The following ACOT12 variants were observed in gnomAD, a reference collection of about 807,000 sequenced individuals.
The protein encoded by ACOT12 is acyl-CoA thioesterase 12.
ACOT12 carries 51 observed loss-of-function variants against 67.7 expected under a neutral mutation model. The ratio of observed to expected loss-of-function variants is 0.75; its 90% CI spans 0.60 to 0.95. ACOT12 has a LOEUF of 0.95. Ranked by LOEUF, ACOT12 falls within the 40% of genes least tolerant of loss-of-function variation. The pLI is 0.00. For missense variants in ACOT12, 734 were observed against 708.1 expected, an observed-to-expected ratio of 1.04 and a Z score of -0.41; for synonymous variants, 251 against 244.6, an observed-to-expected ratio of 1.03 and a Z score of -0.24.
intron 12 of ACOT12, among the ~76,000 whole-genome samples, chr5:81,334,777 G>A (rs1230984745): frequency 5.3e-5 from 8 of 152,328 alleles, no homozygotes; most frequent in Non-Finnish European, 1.0e-4. Context: ...CAAGGTGGCT[G>A]GGCCCCAGTG....
intron 6 of ACOT12, among the ~76,000 whole-genome samples, chr5:81,347,522 T>C (rs559685713): frequency 4.6e-5 from 7 of 152,236 alleles, no homozygotes; most frequent in Non-Finnish European, 7.3e-5. Flanking sequence ...ATATTCATAA[T>C]TCAGAATAAA....
At chr5:81,333,492 C>G (rs1758896992) in intron 12 of ACOT12, among the ~76,000 whole-genome samples, 1 of 152,154 alleles carries the variant, frequency 6.6e-6, no homozygotes, top group African/African-American at 2.4e-5. Flanking sequence ...GGCATAGTAC[C>G]TGAATCATAG....
At chr5:81,383,357 A>C (rs887565214) in intron 2 of ACOT12, among the ~76,000 whole-genome samples, 1 of 152,212 alleles carries the variant, frequency 6.6e-6, no homozygotes, top group Non-Finnish European at 1.5e-5. Flanking sequence ...GTGACAGAAC[A>C]AGACTCCATC....
chr5:81,376,503 A>T (rs1039925692), intron 2 of ACOT12, among the ~76,000 whole-genome samples: 1 of 151,850 alleles, frequency 6.6e-6, no homozygotes, highest in Non-Finnish European at 1.5e-5. Flanking sequence ...GCAGAACTGA[A>T]GGAGATAGAG....
chr5:81,384,116 ACTT>A (rs1322595370), intron 2 of ACOT12, among the ~76,000 whole-genome samples: 1 of 121,586 alleles, frequency 8.2e-6, no homozygotes, highest in Non-Finnish European at 1.8e-5. Context: ...ACATAGGTGT[ACTT>A]TTTTTTTTTT....
At chr5:81,326,776 T>A (rs550794991), downstream of ACOT12, among the ~76,000 whole-genome samples, 1 of 152,288 alleles carries the variant, frequency 6.6e-6, no homozygotes, top group East Asian at 1.9e-4. Context: ...TATTTAGTTG[T>A]CTATGGGACT....
chr5:81,388,667 A>G (rs113137534), intron 1 of ACOT12, among the ~76,000 whole-genome samples: 99 of 152,292 alleles, frequency 6.5e-4, no homozygotes, highest in East Asian at 2.3e-3. Flanking sequence ...CCCTGCTCTC[A>G]TGGAGTCTAG....
At chr5:81,392,377 A>G (rs890539143) in intron 1 of ACOT12, among the ~76,000 whole-genome samples, 2 of 152,232 alleles carry the variant, frequency 1.3e-5, no homozygotes, top group Non-Finnish European at 2.9e-5. Flanking sequence ...TGCCCAAACC[A>G]ACTTTATCAT....
intron 5 of ACOT12, 90 bp from the exon 6 acceptor site, chr5:81,348,020 G>T (rs1373863928): frequency 1.4e-6 from 2 of 1,388,918 alleles, no homozygotes; most frequent in African/African-American, 1.5e-5. Context: ...CATTCAACTC[G>T]GATTTATAGA....
intron 2 of ACOT12, among the ~76,000 whole-genome samples, chr5:81,378,436 C>A (rs1258332076): frequency 6.6e-6 from 1 of 152,116 alleles, no homozygotes; most frequent in Non-Finnish European, 1.5e-5. Flanking sequence ...GCAAAGACTT[C>A]ATGACTAAAA....
intron 2 of ACOT12, among the ~76,000 whole-genome samples, chr5:81,384,003 C>G (rs1184197314): frequency 6.6e-6 from 1 of 151,736 alleles, no homozygotes; most frequent in Non-Finnish European, 1.5e-5. Context: ...AGGTAGTGTA[C>G]AGTAATGTCT....
At chr5:81,386,156 T>C (rs944547540) in intron 1 of ACOT12, among the ~76,000 whole-genome samples, 2 of 152,244 alleles carry the variant, frequency 1.3e-5, no homozygotes, top group Admixed American at 6.5e-5. Flanking sequence ...AAATATTTTA[T>C]CAGGTACTAT....
chr5:81,347,714 C>T (rs1759422104), intron 6 of ACOT12, 60 bp downstream of exon 6: 2 of 1,570,188 alleles, frequency 1.3e-6, no homozygotes, highest in African/African-American at 2.7e-5. Flanking sequence ...GGATCTCAGT[C>T]CCTTTCTACT....
intron 2 of ACOT12, among the ~76,000 whole-genome samples, chr5:81,376,857 A>G (rs1397352825): frequency 6.6e-6 from 1 of 152,180 alleles, no homozygotes; most frequent in African/African-American, 2.4e-5. Flanking sequence ...ATAGCCTACC[A>G]ACCAAAAAAA....
intron 5 of ACOT12, among the ~76,000 whole-genome samples, chr5:81,358,515 A>G (rs866319523): frequency 4.6e-5 from 7 of 152,304 alleles, no homozygotes; most frequent in African/African-American, 7.2e-5. Flanking sequence ...TGCTCTTCTT[A>G]ACACCGTCAT....
At chr5:81,380,571 AAAAAAAAAAG>A (rs1275674773) in intron 2 of ACOT12, among the ~76,000 whole-genome samples, 1 of 147,270 alleles carries the variant, frequency 6.8e-6, no homozygotes, top group Non-Finnish European at 1.5e-5. Flanking sequence ...TAGAAAAAAA[AAAAAAAAAAG>A]AAAAGAAATC....
intron 11 of ACOT12, 93 bp from the exon 12 acceptor site, chr5:81,335,994 C>T (rs1444877436): frequency 6.2e-6 from 8 of 1,300,666 alleles, no homozygotes; most frequent in Middle Eastern, 2.2e-4. Flanking sequence ...AGACCAATTG[C>T]ACTAACTAAG....
At chr5:81,393,475 C>T (rs920666983) in intron 1 of ACOT12, among the ~76,000 whole-genome samples, 1 of 152,086 alleles carries the variant, frequency 6.6e-6, no homozygotes, top group African/African-American at 2.4e-5. Context: ...CCCAACACTT[C>T]AGGATCACTT....
intron 3 of ACOT12, among the ~76,000 whole-genome samples, chr5:81,365,146 T>C (rs1760037432): frequency 6.6e-6 from 1 of 152,206 alleles, no homozygotes; most frequent in Admixed American, 6.5e-5. Flanking sequence ...TTCTGGCTAA[T>C]AAACCTTTTC....
Sources: gnomAD v4.1 joint callset for allele counts (sites outside exome capture counted in the v4.1 genomes callset) on GRCh38, gnomAD v4.1.1 for gene constraint, MANE v1.5 for transcripts, NCBI Gene and HGNC (gene_info 2026-07-23, HGNC 2026-07-21) for gene names.